ZC3H8: variants seen among roughly 807,000 people sequenced by gnomAD.
The protein encoded by ZC3H8 is zinc finger CCCH domain-containing protein 8.
Under a neutral mutation model 42.5 loss-of-function variants are expected in ZC3H8, and 27 were observed. The ratio of observed to expected loss-of-function variants is 0.64; its 90% CI spans 0.47 to 0.88. ZC3H8 has a LOEUF of 0.88. Ranked by LOEUF, ZC3H8 falls within the 40% of genes least tolerant of loss-of-function variation. The pLI, the probability that ZC3H8 is intolerant of heterozygous loss-of-function variation, is 0.00. For synonymous variants in ZC3H8, 101 were observed against 110.1 expected (o/e 0.92, Z 0.52); for missense variants, 277 against 336.1 (o/e 0.82, Z 1.37).
intron 2 of ZC3H8, among the ~76,000 whole-genome samples, chr2:112,249,002 C>G (rs1395163683): frequency 6.6e-6 from 1 of 152,098 alleles, no homozygotes; most frequent in African/African-American, 2.4e-5. Context: ...CGAGACCAGC[C>G]TGGGCAACAT....
intron 1 of ZC3H8, among the ~76,000 whole-genome samples, chr2:112,253,036 A>T (rs1001092745): frequency 1.3e-5 from 2 of 151,958 alleles, no homozygotes; most frequent in African/African-American, 4.8e-5. Context: ...CGGGAGGCTG[A>T]GGCAGGAGAA....
chr2:112,251,745 G>A (rs1346435594), intron 1 of ZC3H8, among the ~76,000 whole-genome samples: 1 of 152,188 alleles, frequency 6.6e-6, no homozygotes, highest in Non-Finnish European at 1.5e-5. Flanking sequence ...CAGCAGGCAG[G>A]CAAAGCTCCC....
chr2:112,251,370 C>T (rs1685941226), intron 1 of ZC3H8, among the ~76,000 whole-genome samples: 1 of 152,194 alleles, frequency 6.6e-6, no homozygotes. Flanking sequence ...TTACATCCAT[C>T]AGATGAGGTA....
chr2:112,246,263 A>C (rs1313739310), intron 2 of ZC3H8, among the ~76,000 whole-genome samples: 1 of 152,226 alleles, frequency 6.6e-6, no homozygotes, highest in South Asian at 2.1e-4. Context: ...CCACAAACAC[A>C]ACAACCATTC....
intron 8 of ZC3H8, among the ~76,000 whole-genome samples, chr2:112,225,404 GGAGT>G (rs1236488414): frequency 2.6e-5 from 4 of 152,198 alleles, no homozygotes; most frequent in Non-Finnish European, 2.9e-5. Flanking sequence ...CTTGAGCCCA[GGAGT>G]TCAAGGCTAA....
At chr2:112,247,696 A>G (rs1189061258) in intron 2 of ZC3H8, among the ~76,000 whole-genome samples, 2 of 152,234 alleles carry the variant, frequency 1.3e-5, no homozygotes, top group Admixed American at 6.5e-5. Flanking sequence ...AGAATAACCT[A>G]GGAGTCCATC....
rs149961106 is a variant in ZC3H8, at chr2:112,243,899, T to A, written c.157-5371A>T. On this transcript the variant is annotated intron_variant, in intron 2 of 8. Coordinates refer to ENST00000409573, the MANE Select transcript of ZC3H8 (RefSeq NM_032494.3). ...GAAAATTTAAAAATACACAAAGATA[T>A]TAAAAAATATATTCAAAAACAATGT... 6.3e-3 allele frequency among the ~76,000 whole-genome samples: 958 copies of A among 151,680 alleles called. 5 individuals are homozygous for A. The highest frequency in any genetic ancestry group is 9.2e-3 in the Non-Finnish European group (626 of 67,898).
chr2:112,252,487 C>T (rs138426883), intron 1 of ZC3H8, among the ~76,000 whole-genome samples: 130 of 152,322 alleles, frequency 8.5e-4, no homozygotes, highest in South Asian at 2.3e-3. Flanking sequence ...ACTAGAATGA[C>T]CCTGCTAAAA....
At chr2:112,232,049 C>A in intron 6 of ZC3H8, 102 bp from the exon 7 acceptor site, 1 of 607,956 alleles carries the variant, frequency 1.6e-6, no homozygotes, top group African/African-American at 1.9e-5. Context: ...TGTGGCCGGG[C>A]GAGGTGGCTC....
chr2:112,228,540 C>T (rs1684950874), intron 8 of ZC3H8, among the ~76,000 whole-genome samples: 1 of 149,490 alleles, frequency 6.7e-6, no homozygotes, highest in Non-Finnish European at 1.5e-5. Context: ...TGGACATCTA[C>T]ATGTAAAAAA....
At chr2:112,228,544 TA>T (rs1220737016) in intron 8 of ZC3H8, among the ~76,000 whole-genome samples, 1 of 149,044 alleles carries the variant, frequency 6.7e-6, no homozygotes, top group Non-Finnish European at 1.5e-5. Flanking sequence ...CATCTACATG[TA>T]AAAAAAAGTT....
At chr2:112,227,760 AAAAAGTGTACACTGT>A (rs1684909094) in intron 8 of ZC3H8, among the ~76,000 whole-genome samples, 1 of 152,200 alleles carries the variant, frequency 6.6e-6, no homozygotes, top group African/African-American at 2.4e-5. Flanking sequence ...TAAATTAACA[AAAAAGTGTACACTGT>A]ACACTTGTAC....
intron 3 of ZC3H8, among the ~76,000 whole-genome samples, chr2:112,237,004 T>C (rs529235431): frequency 2.6e-5 from 4 of 152,326 alleles, no homozygotes; most frequent in Admixed American, 2.6e-4. Flanking sequence ...AAGGTTACAG[T>C]GAGCTATGAC....
chr2:112,249,710 C>CT (rs1259083459), intron 2 of ZC3H8, among the ~76,000 whole-genome samples: 3 of 152,206 alleles, frequency 2.0e-5, no homozygotes, highest in Non-Finnish European at 4.4e-5. Flanking sequence ...TCCCAAAGTG[C>CT]TGGGACTACA....
chr2:112,220,553 G>A (rs1169964373), intron 8 of ZC3H8, among the ~76,000 whole-genome samples: 3 of 152,148 alleles, frequency 2.0e-5, no homozygotes, highest in African/African-American at 7.2e-5. Context: ...TGGGCGCGGT[G>A]GCTCACACCT....
At chr2:112,237,955 G>A (rs900742578) in intron 3 of ZC3H8, among the ~76,000 whole-genome samples, 5 of 152,176 alleles carry the variant, frequency 3.3e-5, no homozygotes, top group Non-Finnish European at 7.3e-5. Flanking sequence ...CTGAGTTACA[G>A]TCTGACATAC....
intron 1 of ZC3H8, chr2:112,254,242 GT>G: frequency 1.3e-6 from 1 of 783,992 alleles, no homozygotes; most frequent in Non-Finnish European, 1.5e-6. Context: ...AAAGATGGTG[GT>G]TTTTAGCATT....
At chr2:112,231,747 A>G in intron 7 of ZC3H8, 91 bp downstream of exon 7, 1 of 666,978 alleles carries the variant, frequency 1.5e-6, no homozygotes, top group Non-Finnish European at 2.4e-6. Context: ...CCTAAGAGGC[A>G]CTCTCCTTAA....
Position 112,211,534 on chromosome 2 carries a change from T to C in ZC3H8, c.*4950A>G, listed in dbSNP as rs1233428145. ...AAACTCCATAACAAACTTTATTTCA[T>C]AGTAAACTTTTATTTAACTATGTAC... On this transcript the variant is annotated 3_prime_UTR_variant, in exon 9 of 9. Coordinates refer to ENST00000409573, the MANE Select transcript of ZC3H8 (RefSeq NM_032494.3). 1 of 152,226 alleles carries C rather than the reference T, an allele frequency of 6.6e-6. No homozygotes were observed. The highest frequency in any genetic ancestry group is 1.9e-4 in the East Asian group (1 of 5,198). The allele number at this position is 152,226 out of a possible 1,614,324, so 9.4% of individuals were successfully genotyped here. A position where few individuals can be genotyped will look rare whatever the true frequency, so the allele number is the denominator to read the frequency against.
Sources: allele counts gnomAD v4.1 joint callset (sites outside exome capture counted in the v4.1 genomes callset), GRCh38; gene constraint gnomAD v4.1.1; transcripts MANE v1.5; gene names NCBI Gene and HGNC (gene_info 2026-07-23, HGNC 2026-07-21).